Variants in ACTN4 observed in about 807,000 individuals in gnomAD.
The protein encoded by ACTN4 is alpha-actinin-4.
Under a neutral mutation model 114.2 loss-of-function variants are expected in ACTN4, and 18 were observed. That is an observed-to-expected ratio of 0.16 (90% confidence interval 0.11 to 0.23). ACTN4 has a LOEUF of 0.23. ACTN4 is among the 10% of genes least tolerant of loss of function. The probability of loss-of-function intolerance (pLI) is 1.00; values close to 1 mark genes in which losing one functional copy is unlikely to be tolerated. For missense variants in ACTN4, 722 were observed against 1,262.9 expected, an observed-to-expected ratio of 0.57 and a Z score of 6.49; for synonymous variants, 515 against 506.3, an observed-to-expected ratio of 1.02 and a Z score of -0.23.
Position 38,726,971 on chromosome 19 carries a change from C to T in ACTN4, c.2205C>T (p.Gly735=), listed in dbSNP as rs1969255257. 6.2e-7 allele frequency: 1 copy of T among 1,613,930 alleles called. No homozygotes were observed. Among genetic ancestry groups the T allele is most frequent in the African/African-American group, 1.3e-5 (1 of 74,936 alleles). Residue 735 remains glycine, a synonymous_variant, in exon 18 of 21, where the codon GGC becomes GGT. Coordinates refer to ENST00000252699, the MANE Select transcript of ACTN4 (RefSeq NM_004924.6). ...TCTTTCCGCAGCACATCCGCGTGGGCTGGGAGCAGCTGCTCACCACCATTG... is the reference window on the plus strand; with the variant it reads ...TCTTTCCGCAGCACATCCGCGTGGGTTGGGAGCAGCTGCTCACCACCATTG... The part of the protein sequence containing the change: ...TNYTMEHIRV[G]WEQLLTTIAR...
intron 11 of ACTN4, among the ~76,000 whole-genome samples, chr19:38,719,120 A>T (rs1968946800): frequency 6.6e-6 from 1 of 152,104 alleles, no homozygotes; most frequent in South Asian, 2.1e-4. Context: ...GTGGGATTTC[A>T]TCACGTCCCT....
Position 38,724,340 on chromosome 19 carries a change from G to T in ACTN4, c.1875+1G>T. 1 of 1,613,436 alleles carries T rather than the reference G, an allele frequency of 6.2e-7. No homozygotes were observed. The highest frequency in any genetic ancestry group is 8.5e-7 in the Non-Finnish European group (1 of 1,179,972). On this transcript the variant is annotated splice_donor_variant, in intron 15 of 20. Transcript: ENST00000252699. LOFTEE classifies it high-confidence loss of function. This position sits in a 1 kb window ranked among gnomAD's most constrained non-coding sequence, Gnocchi z 7.0. ...AATCATCAACTCCAAGTGGGAGAAG[G>T]TGGGCCGGGGCCATCCGTAGGGGCT...
intron 1 of ACTN4, among the ~76,000 whole-genome samples, chr19:38,694,416 C>T (rs574028673): frequency 3.3e-4 from 50 of 152,188 alleles, no homozygotes; most frequent in South Asian, 6.2e-4. Flanking sequence ...CCCGCCACCA[C>T]GCCCAGGTAA....
intron 1 of ACTN4, among the ~76,000 whole-genome samples, chr19:38,648,702 A>G (rs1976464111): frequency 6.6e-6 from 1 of 151,790 alleles, no homozygotes; most frequent in Non-Finnish European, 1.5e-5. Context: ...TCCAAAGGGG[A>G]GAAGATTAAG....
Position 38,727,146 on chromosome 19 carries a change from T to G in ACTN4, c.2337+43T>G. 6.2e-6 allele frequency: 10 copies of G among 1,613,184 alleles called. No individual in the cohort carries two copies. The highest frequency in any genetic ancestry group is 8.5e-6 in the Non-Finnish European group (10 of 1,179,696). Reference sequence around the variant, plus strand: ...TCCTCGGCCTCTCCCCTCCCGCCGTTGCCGTACCAGCCCACACCTTCGTCT... The same window carrying G: ...TCCTCGGCCTCTCCCCTCCCGCCGTGGCCGTACCAGCCCACACCTTCGTCT... On this transcript the variant is annotated intron_variant, in intron 18 of 20. Transcript: ENST00000252699. The surrounding 1 kb of genome is among the most constrained non-coding windows in gnomAD (Gnocchi z 5.4).
chr19:38,663,710 C>T (rs1022500225), intron 1 of ACTN4, among the ~76,000 whole-genome samples: 7 of 152,278 alleles, frequency 4.6e-5, no homozygotes, highest in Middle Eastern at 3.4e-3. Context: ...GCATCGTCTT[C>T]GGGGAGCTGC....
In ACTN4 at chr19:38,714,567, T is replaced by C; in HGVS notation, c.912+6T>C. ...ACGAGAAGCTGGCCAGCGACGTGAG[T>C]GTTCCCCCAGTGAAAGTCAGGGCCA... On this transcript the variant is annotated splice_donor_region_variant and intron_variant, in intron 9 of 20. Transcript: ENST00000252699. 1.9e-6 allele frequency: 3 copies of C among 1,613,736 alleles called. No individual in the cohort carries two copies. Among genetic ancestry groups the C allele is most frequent in the Non-Finnish European group, 2.5e-6 (3 of 1,179,922 alleles).
At chr19:38,684,560 C>G (rs1257709325) in intron 1 of ACTN4, among the ~76,000 whole-genome samples, 1 of 152,212 alleles carries the variant, frequency 6.6e-6, no homozygotes, top group Non-Finnish European at 1.5e-5. Context: ...CTGGAGACAG[C>G]CACCCCTTCA....
intron 1 of ACTN4, among the ~76,000 whole-genome samples, chr19:38,652,062 C>A (rs1976579450): frequency 3.3e-5 from 5 of 151,798 alleles, no homozygotes; most frequent in Admixed American, 3.3e-4. Context: ...ATCTTTTTTT[C>A]TTTTTAAAGG....
At chr19:38,651,061 TG>T (rs1240514790) in intron 1 of ACTN4, among the ~76,000 whole-genome samples, 3 of 152,182 alleles carry the variant, frequency 2.0e-5, no homozygotes, top group Non-Finnish European at 4.4e-5. Flanking sequence ...ATTGCAGTGT[TG>T]CTTTAGTGAA....
chr19:38,690,036 T>TA (rs1448964703), intron 1 of ACTN4, among the ~76,000 whole-genome samples: 1 of 152,090 alleles, frequency 6.6e-6, no homozygotes, highest in Non-Finnish European at 1.5e-5. Flanking sequence ...AAAATACCAA[T>TA]TAGGTTAAAA....
chr19:38,673,663 A>AT (rs1218577475), intron 1 of ACTN4, among the ~76,000 whole-genome samples: 3 of 14,880 alleles, frequency 2.0e-4, no homozygotes, highest in Non-Finnish European at 2.3e-4. Context: ...ATTTATATAT[A>AT]TTATATATAT....
chr19:38,715,528 G>A (rs1242800293), intron 9 of ACTN4, among the ~76,000 whole-genome samples: 2 of 152,168 alleles, frequency 1.3e-5, no homozygotes, highest in African/African-American at 4.8e-5. Flanking sequence ...ATTTCCCAAA[G>A]AGCAGTGGTT....
chr19:38,730,565 T>G lies in ACTN4; in HGVS notation c.*1133T>G, dbSNP rs1555843013. 7.7e-6 allele frequency: 4 copies of G among 522,242 alleles called. No individual in the cohort carries two copies. The highest frequency in any genetic ancestry group is 3.4e-6 in the Non-Finnish European group (1 of 292,262). The allele number at this position is 522,242 out of a possible 1,614,324, so 32.4% of individuals were successfully genotyped here. A position where few individuals can be genotyped will look rare whatever the true frequency, so the allele number is the denominator to read the frequency against. On this transcript the variant is annotated 3_prime_UTR_variant, in exon 21 of 21. Transcript: ENST00000252699. The stretch of plus-strand genomic sequence containing the variant: ...GCATCATCTTTTTTTATTTCTCCTG[T>G]GTCTGTCCTCCACCTTCTAGGAGAG...
intron 11 of ACTN4, 162 bp downstream of exon 11, chr19:38,718,236 C>A: frequency 7.8e-7 from 1 of 1,282,368 alleles, no homozygotes; most frequent in Non-Finnish European, 1.1e-6. Context: ...GTCAGAAATG[C>A]TGCTTTAGAG....
At chr19:38,698,994 G>A (rs1216773206) in intron 1 of ACTN4, among the ~76,000 whole-genome samples, 2 of 152,234 alleles carry the variant, frequency 1.3e-5, no homozygotes, top group Non-Finnish European at 2.9e-5. Context: ...GGCGTGGAAT[G>A]TGCTCTTGTG....
At chr19:38,715,979 G>A (rs1968825649) in intron 9 of ACTN4, among the ~76,000 whole-genome samples, 2 of 152,202 alleles carry the variant, frequency 1.3e-5, no homozygotes, top group Admixed American at 1.3e-4. Context: ...TTGGCTCACT[G>A]CAACCTCTGC....
chr19:38,714,559 G>A lies in ACTN4; in HGVS notation c.910G>A (p.Asp304Asn), dbSNP rs1238584452. 6.8e-6 allele frequency: 11 copies of A among 1,613,836 alleles called. No individual in the cohort carries two copies. The highest frequency in any genetic ancestry group is 1.7e-5 in the Admixed American group (1 of 60,006). The change falls in exon 9 of 21, where the codon GAC becomes AAC. Residue 304 changes from aspartate to asparagine, a missense_variant and splice_region_variant. This residue lies in a region of ACTN4 where 523 missense variants were observed against 875.9 expected (regional missense o/e 0.60). Coordinates refer to ENST00000252699, the MANE Select transcript of ACTN4 (RefSeq NM_004924.6). Reference protein sequence around the residue: ...LMEDYEKLASDLLEWIRRTIP... With the variant: ...LMEDYEKLASNLLEWIRRTIP... ...GGAGGACTACGAGAAGCTGGCCAGCGACGTGAGTGTTCCCCCAGTGAAAGT... is the reference window on the plus strand; with the variant it reads ...GGAGGACTACGAGAAGCTGGCCAGCAACGTGAGTGTTCCCCCAGTGAAAGT...
chr19:38,700,189 G>A (rs1442550583), intron 1 of ACTN4, among the ~76,000 whole-genome samples: 1 of 152,122 alleles, frequency 6.6e-6, no homozygotes, highest in Non-Finnish European at 1.5e-5. Context: ...CCACACCACC[G>A]AGCCTGGTGC....
Sources: gnomAD v4.1 joint callset for allele counts (sites outside exome capture counted in the v4.1 genomes callset) on GRCh38, gnomAD v4.1.1 for gene constraint, gnomAD v4.1.1 regional missense constraint, Gnocchi (gnomAD v3.1) non-coding constraint, MANE v1.5 for transcripts, NCBI Gene and HGNC (gene_info 2026-07-23, HGNC 2026-07-21) for gene names.